COL25A1: variants seen among roughly 807,000 people sequenced by gnomAD.
The protein encoded by COL25A1 is collagen type XXV alpha 1 chain, also known as collagen alpha-1(XXV) chain.
COL25A1 carries 103 observed loss-of-function variants against 128.4 expected under a neutral mutation model. The observed-to-expected ratio is 0.80, with a 90% CI of 0.68 to 0.94. The LOEUF (loss-of-function observed/expected upper bound fraction) is 0.94, where lower values mean the gene tolerates loss of function less well. Ranked by LOEUF, COL25A1 falls within the 40% of genes least tolerant of loss-of-function variation. The pLI, the probability that COL25A1 is intolerant of heterozygous loss-of-function variation, is 0.00. For synonymous variants in COL25A1, 279 were observed against 277.2 expected, an observed-to-expected ratio of 1.01 and a Z score of -0.06; for missense variants, 745 against 840.0, an observed-to-expected ratio of 0.89 and a Z score of 1.40.
intron 3 of COL25A1, among the ~76,000 whole-genome samples, chr4:109,222,445 C>T (rs562117017): frequency 5.3e-5 from 8 of 152,200 alleles, no homozygotes; most frequent in African/African-American, 1.9e-4. Context: ...GAGAAACTTG[C>T]TAAACTAAAA....
chr4:108,910,940 C>T (rs898160439), intron 13 of COL25A1, among the ~76,000 whole-genome samples: 10 of 152,208 alleles, frequency 6.6e-5, no homozygotes, highest in Non-Finnish European at 1.3e-4. Context: ...ACTAATCCCA[C>T]TGATGCTGTC....
Position 108,974,345 on chromosome 4 carries a change from AGATAGGTAG to A in COL25A1, c.492+13_492+21del. 6.2e-7 allele frequency: 1 copy of A among 1,613,390 alleles called. No individual in the cohort carries two copies. Among genetic ancestry groups the A allele is most frequent in the Non-Finnish European group, 8.5e-7 (1 of 1,179,358 alleles). On this transcript the variant is annotated intron_variant, in intron 8 of 37. Coordinates refer to ENST00000399132, the MANE Select transcript of COL25A1 (RefSeq NM_198721.4). ...GAGTTAGAAACTAATTTTCCGCCCA[AGATAGGTAG>A]AGCACAACTTACCCTAGGTCCCTGA... is the stretch of plus-strand genomic sequence containing the variant.
intron 3 of COL25A1, among the ~76,000 whole-genome samples, chr4:109,087,320 T>G (rs1014735665): frequency 2.6e-5 from 4 of 151,908 alleles, no homozygotes; most frequent in African/African-American, 9.7e-5. Flanking sequence ...TGCATGAAAC[T>G]TTTTGACTGA....
intron 3 of COL25A1, among the ~76,000 whole-genome samples, chr4:109,089,551 T>C (rs1447207789): frequency 6.6e-6 from 1 of 152,222 alleles, no homozygotes; most frequent in Non-Finnish European, 1.5e-5. Flanking sequence ...TGAGATCAGA[T>C]CTACTTGAGG....
chr4:108,949,497 G>C (rs1169404475), intron 8 of COL25A1, among the ~76,000 whole-genome samples: 1 of 151,896 alleles, frequency 6.6e-6, no homozygotes, highest in Non-Finnish European at 1.5e-5. Context: ...ACCTGCTCCA[G>C]TGTCAACCAT....
chr4:108,978,125 C>T (rs1283384880), intron 6 of COL25A1, among the ~76,000 whole-genome samples: 1 of 152,220 alleles, frequency 6.6e-6, no homozygotes, highest in Non-Finnish European at 1.5e-5. Flanking sequence ...AGCAAGAATG[C>T]TTAATTTGCA....
At chr4:109,141,051 TATG>T (rs1400640119) in intron 3 of COL25A1, among the ~76,000 whole-genome samples, 6 of 152,212 alleles carry the variant, frequency 3.9e-5, no homozygotes, top group African/African-American at 1.4e-4. Flanking sequence ...GCCCATTCAG[TATG>T]ATATTGGCTG....
intron 20 of COL25A1, among the ~76,000 whole-genome samples, chr4:108,863,893 G>T (rs563710028): frequency 6.6e-6 from 1 of 152,256 alleles, no homozygotes; most frequent in Admixed American, 6.5e-5. Context: ...TTCAGCCTCA[G>T]ACTGAAAGTT....
chr4:109,067,037 T>C (rs1483774111), intron 3 of COL25A1, among the ~76,000 whole-genome samples: 1 of 152,198 alleles, frequency 6.6e-6, no homozygotes, highest in Non-Finnish European at 1.5e-5. Flanking sequence ...TTCTCATTCT[T>C]ACACAATATT....
At chr4:108,924,753 C>A (rs1012324988) in intron 11 of COL25A1, among the ~76,000 whole-genome samples, 1 of 152,174 alleles carries the variant, frequency 6.6e-6, no homozygotes. Flanking sequence ...CTTTCAATGG[C>A]TTTTCGTAGC....
At position 109,226,236 on chromosome 4, in the gene COL25A1, T is replaced by C. The variant is rs140863218; in HGVS notation, c.367+74347A>G. 6.5e-3 allele frequency among the ~76,000 whole-genome samples: 989 copies of C among 151,140 alleles called. 8 individuals carry two copies. Among genetic ancestry groups the C allele is most frequent in the Middle Eastern group, 0.017 (5 of 294 alleles). ...ACTGGAGTCTCAGAAGAATGGGAGG[T>C]AGGAGGGGGGTGAGACATGAGAAAT... On this transcript the variant is annotated intron_variant, in intron 3 of 37. Transcript: ENST00000399132.
intron 6 of COL25A1, among the ~76,000 whole-genome samples, chr4:109,010,017 A>G (rs1206635258): frequency 6.6e-6 from 1 of 152,260 alleles, no homozygotes; most frequent in Non-Finnish European, 1.5e-5. Flanking sequence ...CAACATTATT[A>G]GTACATGATT....
intron 3 of COL25A1, among the ~76,000 whole-genome samples, chr4:109,215,241 T>G (rs1355248733): frequency 6.6e-6 from 1 of 152,166 alleles, no homozygotes; most frequent in African/African-American, 2.4e-5. Context: ...AAATGAAGAT[T>G]TGTTTTCTTA....
intron 3 of COL25A1, among the ~76,000 whole-genome samples, chr4:109,203,216 G>A (rs1324065986): frequency 1.3e-5 from 2 of 152,010 alleles, no homozygotes; most frequent in East Asian, 1.9e-4. Context: ...AATCAGGATG[G>A]CATCAGAATT....
chr4:109,226,056 G>C (rs1419343512), intron 3 of COL25A1, among the ~76,000 whole-genome samples: 1 of 151,192 alleles, frequency 6.6e-6, no homozygotes, highest in East Asian at 1.9e-4. Context: ...CCATAAAAAA[G>C]AATGAAATCA....
At chr4:108,886,158 CAT>C (rs2125838254) in intron 18 of COL25A1, among the ~76,000 whole-genome samples, 1 of 152,222 alleles carries the variant, frequency 6.6e-6, no homozygotes, top group Non-Finnish European at 1.5e-5. Context: ...TCATATTTCT[CAT>C]AGTTTTCATA....
At chr4:109,058,418 T>G (rs1761645086) in intron 3 of COL25A1, among the ~76,000 whole-genome samples, 1 of 152,134 alleles carries the variant, frequency 6.6e-6, no homozygotes, top group African/African-American at 2.4e-5. Flanking sequence ...TATATTAACA[T>G]GAAAAACAGT....
At chr4:108,995,353 G>A (rs1560992700) in intron 6 of COL25A1, among the ~76,000 whole-genome samples, 1 of 151,980 alleles carries the variant, frequency 6.6e-6, no homozygotes, top group Non-Finnish European at 1.5e-5. Context: ...TCAATCAAGT[G>A]GAAGAAAGGA....
intron 3 of COL25A1, among the ~76,000 whole-genome samples, chr4:109,197,496 A>T (rs1427883082): frequency 6.2e-5 from 8 of 128,796 alleles, no homozygotes; most frequent in Admixed American, 2.8e-4. Flanking sequence ...TTATATATAA[A>T]TATATATTAT....
Sources: allele counts gnomAD v4.1 joint callset (sites outside exome capture counted in the v4.1 genomes callset), GRCh38; gene constraint gnomAD v4.1.1; transcripts MANE v1.5; gene names NCBI Gene and HGNC (gene_info 2026-07-23, HGNC 2026-07-21).